DHX36: variants seen among roughly 807,000 people sequenced by gnomAD.
The protein encoded by DHX36 is ATP-dependent DNA/RNA helicase DHX36.
In DHX36, 50 loss-of-function variants were observed where a neutral mutation model predicts 139.0. The ratio of observed to expected loss-of-function variants is 0.36; its 90% CI spans 0.29 to 0.46. The LOEUF (loss-of-function observed/expected upper bound fraction) is 0.46. DHX36 is among the 20% of genes least tolerant of loss of function. DHX36 has a pLI of 1.00. For synonymous variants in DHX36, 425 were observed against 401.9 expected, an observed-to-expected ratio of 1.06 and a Z score of -0.69; for missense variants, 1,024 against 1,211.3, an observed-to-expected ratio of 0.85 and a Z score of 2.29.
In DHX36 at chr3:154,292,628, A is replaced by C; in HGVS notation, c.1737T>G (p.Thr579=). ...GGKIKETHFD[T]QNNISTMSAE... is the part of the protein sequence containing the mutation. ...CGGACATTGTACTGATATTGTTCTG[A>C]GTATCAAAATGCGTCTCTTTTATTT... Residue 579 remains threonine, a synonymous_variant, in exon 15 of 25, where the codon ACT becomes ACG. Coordinates refer to ENST00000496811, the MANE Select transcript of DHX36 (RefSeq NM_020865.3). 1 of 1,613,830 alleles carries C rather than the reference A, an allele frequency of 6.2e-7. No homozygotes were observed. The highest frequency in any genetic ancestry group is 1.1e-5 in the South Asian group (1 of 91,060).
rs926433738 is a variant in DHX36, at chr3:154,307,711, T to C, written c.814-1416A>G. 2.6e-5 allele frequency among the ~76,000 whole-genome samples: 4 copies of C among 152,084 alleles called. 1 individual carries two copies. The highest frequency in any genetic ancestry group is 6.6e-5 in the Admixed American group (1 of 15,260). Reference sequence around the variant, plus strand: ...CCTCTATAGAAAACAGTATGGAGATTGCTCAAAGAACTAAAAATAGAGCTA... The same window carrying C: ...CCTCTATAGAAAACAGTATGGAGATCGCTCAAAGAACTAAAAATAGAGCTA... On this transcript the variant is annotated intron_variant, in intron 5 of 24. Transcript: ENST00000496811.
intron 23 of DHX36, 148 bp from the exon 24 acceptor site, chr3:154,277,047 A>G: frequency 4.1e-6 from 3 of 727,714 alleles, no homozygotes; most frequent in Non-Finnish European, 6.3e-6. Flanking sequence ...TGTAAGAAAT[A>G]CCATTTTAAA....
At chr3:154,292,726 A>AACACACACACACACACACAC (rs58416816) in intron 14 of DHX36, 32 bp from the exon 15 acceptor site, 1 of 1,383,366 alleles carries the variant, frequency 7.2e-7, no homozygotes. Flanking sequence ...AAAATGTTAA[A>AACACACACACACACACACAC]ACACACACAC....
chr3:154,302,246 T>C (rs1261888683), intron 9 of DHX36, among the ~76,000 whole-genome samples: 1 of 152,176 alleles, frequency 6.6e-6, no homozygotes, highest in Non-Finnish European at 1.5e-5. Flanking sequence ...TCCCAGAGTT[T>C]GTGTGTGTTT....
At chr3:154,299,799 C>A (rs756515767) in intron 12 of DHX36, 39 bp downstream of exon 12, 5 of 1,395,922 alleles carry the variant, frequency 3.6e-6, no homozygotes, top group Non-Finnish European at 5.1e-6. Context: ...AATTCAAATA[C>A]CACTCTTTGA....
chr3:154,317,866 A>C (rs35795876), intron 1 of DHX36, among the ~76,000 whole-genome samples: 3,371 of 152,158 alleles, frequency 0.022, 53 homozygotes, highest in Non-Finnish European at 0.031. Context: ...AGTAAAACTA[A>C]TGACCCAGTA....
chr3:154,316,793 G>A lies in DHX36; in HGVS notation c.244-630C>T, dbSNP rs553282616. Among the ~76,000 whole-genome samples, 370 of 149,826 alleles carry A rather than the reference G, an allele frequency of 2.5e-3. 3 individuals are homozygous for A. The highest frequency in any genetic ancestry group is 8.7e-3 in the African/African-American group (356 of 40,834). ...CAGAAACTTTACGCATCTAAGAAATGTCCAAGGTGAAAAAAAAAAAAAGAG... is the reference window on the plus strand; with the variant it reads ...CAGAAACTTTACGCATCTAAGAAATATCCAAGGTGAAAAAAAAAAAAAGAG... On this transcript the variant is annotated intron_variant, in intron 1 of 24. Coordinates refer to ENST00000496811, the MANE Select transcript of DHX36 (RefSeq NM_020865.3).
chr3:154,281,985 A>G (rs1438078879), intron 20 of DHX36, among the ~76,000 whole-genome samples: 1 of 152,086 alleles, frequency 6.6e-6, no homozygotes, highest in East Asian at 1.9e-4. Flanking sequence ...CTTTTCAAGA[A>G]GAGCTCAGGG....
rs1258232989 is a variant in DHX36, at chr3:154,275,027, T to C, written c.*1144A>G. The C allele has an allele frequency of 1.3e-5, 2 of 152,224 alleles. No homozygotes were observed. The highest frequency in any genetic ancestry group is 4.8e-5 in the African/African-American group (2 of 41,464). 9.4% of individuals were successfully genotyped at this position (152,224 alleles called of 1,614,324 possible). A position where few individuals can be genotyped will look rare whatever the true frequency, so the allele number is the denominator to read the frequency against. On this transcript the variant is annotated 3_prime_UTR_variant, in exon 25 of 25. Transcript: ENST00000496811. ...AAATATTTCAGGGACAAATAACAAC[T>C]AAGATTCAGAGAGTACAGGCACTAG... is the stretch of plus-strand genomic sequence containing the variant.
At chr3:154,315,526 A>G (rs1712947582) in intron 2 of DHX36, among the ~76,000 whole-genome samples, 2 of 152,168 alleles carry the variant, frequency 1.3e-5, no homozygotes, top group South Asian at 4.1e-4. Flanking sequence ...ATAAAAATCC[A>G]CAGAATAGTC....
intron 17 of DHX36, among the ~76,000 whole-genome samples, chr3:154,287,796 A>C (rs1711600201): frequency 6.6e-6 from 1 of 152,164 alleles, no homozygotes; most frequent in Admixed American, 6.5e-5. Context: ...TCTGCAACCT[A>C]ACAGAAGACA....
chr3:154,311,518 C>T (rs572282800), intron 4 of DHX36, 118 bp downstream of exon 4: 2 of 779,344 alleles, frequency 2.6e-6, no homozygotes, highest in Non-Finnish European at 3.9e-6. Flanking sequence ...AATTAACTTC[C>T]AATACTATCC....
intron 22 of DHX36, 171 bp from the exon 23 acceptor site, chr3:154,277,889 A>G: frequency 2.0e-6 from 1 of 500,604 alleles, no homozygotes; most frequent in Non-Finnish European, 3.3e-6. Context: ...AAATATATTT[A>G]TATTTGAGGA....
chr3:154,281,949 A>C (rs1719347466), intron 20 of DHX36, among the ~76,000 whole-genome samples: 1 of 152,068 alleles, frequency 6.6e-6, no homozygotes, highest in Non-Finnish European at 1.5e-5. Flanking sequence ...TCCCCTTTTA[A>C]CTAACAGCAT....
chr3:154,284,581 AC>A lies in DHX36; in HGVS notation c.2292+1del. 1 of 1,569,600 alleles carries A rather than the reference AC, an allele frequency of 6.4e-7. No homozygotes were observed. The highest frequency in any genetic ancestry group is 8.6e-7 in the Non-Finnish European group (1 of 1,161,226). On this transcript the variant is annotated splice_donor_variant, in intron 19 of 24. Coordinates refer to ENST00000496811, the MANE Select transcript of DHX36 (RefSeq NM_020865.3). LOFTEE classifies it high-confidence loss of function. ...ATCCAGGACAAAATTTTTTTTTTTTACCTCAAACGCATTCACAACTGTTAAG... is the reference window on the plus strand; with the variant it reads ...ATCCAGGACAAAATTTTTTTTTTTTACTCAAACGCATTCACAACTGTTAAG...
At position 154,292,685 on chromosome 3, in the gene DHX36, T is replaced by G. The variant is rs769129846; in HGVS notation, c.1680A>C (p.Ile560=). 6.2e-7 allele frequency: 1 copy of G among 1,613,566 alleles called. No homozygotes were observed. Among genetic ancestry groups the G allele is most frequent in the Admixed American group, 1.7e-5 (1 of 59,950 alleles). ...CATCTATCACATAAACGACATCATC[T>G]ATGGTAATGCTGTTTGGAAAACAGA... ...ATNIAETSIT[I]DDVVYVIDGG... is the part of the protein sequence containing the mutation. The change falls in exon 15 of 25, where the codon ATA becomes ATC. Residue 560 remains isoleucine, a synonymous_variant. Transcript: ENST00000496811.
chr3:154,306,692 G>C (rs376155156), intron 5 of DHX36, among the ~76,000 whole-genome samples: 1 of 152,098 alleles, frequency 6.6e-6, no homozygotes, highest in South Asian at 2.1e-4. Context: ...GACTGGTGTT[G>C]AATTTCTAGT....
At chr3:154,285,065 G>C in intron 17 of DHX36, 78 bp from the exon 18 acceptor site, 1 of 1,448,360 alleles carries the variant, frequency 6.9e-7, no homozygotes. Flanking sequence ...GCTTTAAAAA[G>C]AGTAACAAGC....
At chr3:154,287,498 T>C (rs983167002) in intron 17 of DHX36, among the ~76,000 whole-genome samples, 2 of 151,322 alleles carry the variant, frequency 1.3e-5, no homozygotes, top group East Asian at 3.9e-4. Context: ...CTACGAAAAA[T>C]ACAAAAATTA....
Sources: gnomAD v4.1 joint callset for allele counts (sites outside exome capture counted in the v4.1 genomes callset) on GRCh38, gnomAD v4.1.1 for gene constraint, MANE v1.5 for transcripts, NCBI Gene and HGNC (gene_info 2026-07-23, HGNC 2026-07-21) for gene names.